Variants in TAFA2 observed in about 807,000 individuals in gnomAD.
TAFA2 encodes TAFA chemokine like family member 2.
A neutral mutation model predicts 18.8 loss-of-function variants in TAFA2; 7 were observed. That is an observed-to-expected ratio of 0.37 (90% CI 0.21 to 0.70). TAFA2 has a LOEUF of 0.70. TAFA2 is among the 30% of genes least tolerant of loss of function. The pLI, the probability that TAFA2 is intolerant of heterozygous loss-of-function variation, is 0.53. For synonymous variants in TAFA2, 60 were observed against 54.2 expected (o/e 1.11, Z -0.47); for missense variants, 122 against 158.1 (o/e 0.77, Z 1.23).
chr12:61,766,107 C>A (rs534535836), intron 2 of TAFA2, among the ~76,000 whole-genome samples: 9 of 152,202 alleles, frequency 5.9e-5, no homozygotes, highest in Non-Finnish European at 1.2e-4. Flanking sequence ...TCTTGCAAAA[C>A]CACAAGAGCC....
intron 2 of TAFA2, among the ~76,000 whole-genome samples, chr12:61,851,829 G>C: frequency 1.3e-5 from 1 of 76,164 alleles, no homozygotes; most frequent in Admixed American, 1.6e-4. Flanking sequence ...CATGTTCTAA[G>C]TAGAGAAATA....
intron 1 of TAFA2, among the ~76,000 whole-genome samples, chr12:62,033,650 G>C (rs927639994): frequency 6.6e-6 from 1 of 151,964 alleles, no homozygotes; most frequent in Admixed American, 6.5e-5. Flanking sequence ...ATTCTTCAAG[G>C]TGTCATGATG....
At chr12:61,729,111 A>C (rs1479634544) in intron 4 of TAFA2, among the ~76,000 whole-genome samples, 1 of 151,680 alleles carries the variant, frequency 6.6e-6, no homozygotes, top group African/African-American at 2.4e-5. Context: ...GAGAAATCTG[A>C]TGTTAATCTG....
chr12:62,187,992 TA>T (rs2062597323), intron 1 of TAFA2, among the ~76,000 whole-genome samples: 1 of 152,226 alleles, frequency 6.6e-6, no homozygotes, highest in South Asian at 2.1e-4. Context: ...CATGGCATTA[TA>T]AAATCAGTGG....
In TAFA2 at chr12:61,997,853, CAA is replaced by C. The variant is rs539041819; in HGVS notation, c.-1-130429_-1-130428del. 2.3e-4 allele frequency among the ~76,000 whole-genome samples: 35 copies of C among 151,604 alleles called. 1 individual carries two copies. The South Asian group carries it at 7.3e-3, about 32-fold the overall frequency. On this transcript the variant is annotated intron_variant, in intron 1 of 4. Transcript: ENST00000416284. The stretch of plus-strand genomic sequence containing the variant: ...TCACAAAAAGCTGTTCATATTTGAA[CAA>C]AGTTAATTTTAAATGTTTTTTAAAA...
At chr12:61,996,190 G>C (rs562537905) in intron 1 of TAFA2, among the ~76,000 whole-genome samples, 1 of 152,092 alleles carries the variant, frequency 6.6e-6, no homozygotes, top group Admixed American at 6.5e-5. Flanking sequence ...ACAGTGCAAA[G>C]TACTGGAGAT....
chr12:62,024,570 A>G (rs1289946974), intron 1 of TAFA2, among the ~76,000 whole-genome samples: 1 of 152,182 alleles, frequency 6.6e-6, no homozygotes, highest in African/African-American at 2.4e-5. Context: ...TTTGTGACTA[A>G]GTCTTCAAAA....
Position 62,202,878 on chromosome 12 carries a change from A to C in TAFA2, c.-130+55885T>G, listed in dbSNP as rs2062677603. Among the ~76,000 whole-genome samples, 3 of 124,490 alleles carry C rather than the reference A, an allele frequency of 2.4e-5. No homozygotes were observed. In the South Asian group the frequency reaches 7.9e-4, roughly 33 times the overall value. The allele number at this position is 124,490 out of a possible 152,430, so 81.7% of individuals were successfully genotyped here. Reference sequence around the variant, plus strand: ...AGTCTTGCTCTGTCACCCAGGCTAGAGTGCAGTGGTGCAATCGCAGCTCAC... The same window carrying C: ...AGTCTTGCTCTGTCACCCAGGCTAGCGTGCAGTGGTGCAATCGCAGCTCAC... On this transcript the variant is annotated intron_variant, in intron 1 of 5. Coordinates refer to the TAFA2 transcript ENST00000551619.
chr12:61,772,297 A>G (rs1592378527), intron 2 of TAFA2, among the ~76,000 whole-genome samples: 1 of 152,106 alleles, frequency 6.6e-6, no homozygotes, highest in African/African-American at 2.4e-5. Context: ...TCTATCAGAC[A>G]TTCAAAGAAG....
chr12:62,036,236 T>C (rs1322000361), intron 1 of TAFA2, among the ~76,000 whole-genome samples: 1 of 152,164 alleles, frequency 6.6e-6, no homozygotes, highest in African/African-American at 2.4e-5. Flanking sequence ...TACAGCCTTA[T>C]AGGTGATATT....
intron 1 of TAFA2, among the ~76,000 whole-genome samples, chr12:62,239,361 A>T (rs547056457): frequency 6.6e-6 from 1 of 152,348 alleles, no homozygotes; most frequent in South Asian, 2.1e-4. Context: ...TTTAACTACC[A>T]TTAGTATGCT....
chr12:62,119,797 G>C (rs1870114466), intron 1 of TAFA2, among the ~76,000 whole-genome samples: 2 of 152,096 alleles, frequency 1.3e-5, no homozygotes, highest in Admixed American at 6.6e-5. Context: ...GGTTTGGCCG[G>C]GCACGGTGGC....
chr12:61,777,286 A>G (rs919285349), intron 2 of TAFA2, among the ~76,000 whole-genome samples: 7 of 151,916 alleles, frequency 4.6e-5, no homozygotes, highest in Admixed American at 2.0e-4. Flanking sequence ...CAGTTTCCTC[A>G]TCTGCAAATC....
At chr12:62,212,179 T>C (rs959783664) in intron 1 of TAFA2, among the ~76,000 whole-genome samples, 2 of 152,196 alleles carry the variant, frequency 1.3e-5, no homozygotes. Context: ...TAGTCACCAT[T>C]AGCTAACAGA....
intron 1 of TAFA2, among the ~76,000 whole-genome samples, chr12:61,940,552 T>C (rs1454727161): frequency 6.6e-6 from 1 of 152,234 alleles, no homozygotes; most frequent in Non-Finnish European, 1.5e-5. Context: ...CACCTGGCTT[T>C]AGAGGTAACA....
chr12:62,120,850 T>TTTATTTTA (rs1565751270), intron 1 of TAFA2, among the ~76,000 whole-genome samples: 37 of 151,056 alleles, frequency 2.4e-4, no homozygotes, highest in African/African-American at 8.7e-4. Context: ...TTATTATTTA[T>TTTATTTTA]TTTATTTATT....
intron 1 of TAFA2, among the ~76,000 whole-genome samples, chr12:62,068,252 T>C (rs17125826): frequency 0.012 from 1,846 of 152,236 alleles, 48 homozygotes; most frequent in African/African-American, 0.042. Context: ...ATGAACTAGC[T>C]ATACAAAGTT....
intron 2 of TAFA2, among the ~76,000 whole-genome samples, chr12:61,762,858 T>C (rs1051685057): frequency 6.6e-6 from 1 of 152,052 alleles, no homozygotes; most frequent in African/African-American, 2.4e-5. Context: ...TCCTATTTAA[T>C]AGTTTACCCA....
chr12:62,132,599 C>T (rs912333192), intron 1 of TAFA2, among the ~76,000 whole-genome samples: 7 of 151,716 alleles, frequency 4.6e-5, no homozygotes, highest in African/African-American at 9.7e-5. Flanking sequence ...TAGAAATAAA[C>T]AAAAGTAATT....
Sources: gnomAD v4.1 joint callset for allele counts (sites outside exome capture counted in the v4.1 genomes callset) on GRCh38, gnomAD v4.1.1 for gene constraint, MANE v1.5 for transcripts, NCBI Gene and HGNC (gene_info 2026-07-23, HGNC 2026-07-21) for gene names.